The following PDE7A variants were observed in gnomAD, a reference collection of about 807,000 sequenced individuals.
PDE7A encodes the protein high affinity 3',5'-cyclic-AMP phosphodiesterase 7A.
Under a neutral mutation model 64.3 loss-of-function variants are expected in PDE7A, and 39 were observed. That is an observed-to-expected ratio of 0.61 (90% confidence interval 0.47 to 0.79). The LOEUF is 0.79. Among genes scored for constraint, PDE7A ranks in the 30% least tolerant of loss-of-function variants. The pLI, the probability that PDE7A is intolerant of heterozygous loss-of-function variation, is 0.00. For missense variants in PDE7A, 470 were observed against 582.8 expected (o/e 0.81, Z 1.99); for synonymous variants, 203 against 206.8 (o/e 0.98, Z 0.16).
chr8:65,819,806 C>T (rs1041487368), intron 1 of PDE7A, among the ~76,000 whole-genome samples: 3 of 152,224 alleles, frequency 2.0e-5, no homozygotes, highest in African/African-American at 7.2e-5. Flanking sequence ...CACATAGGCT[C>T]CATTTCCCAG....
intron 6 of PDE7A, among the ~76,000 whole-genome samples, chr8:65,737,143 AT>A (rs1473787755): frequency 3.9e-5 from 6 of 151,970 alleles, no homozygotes; most frequent in African/African-American, 1.2e-4. Flanking sequence ...CTGAGTTATT[AT>A]TTTCTCAATT....
chr8:65,796,856 A>C (rs1809856713), intron 1 of PDE7A, among the ~76,000 whole-genome samples: 1 of 152,128 alleles, frequency 6.6e-6, no homozygotes, highest in East Asian at 1.9e-4. Context: ...CAAAAAGAAA[A>C]AGCATAAGGC....
intron 3 of PDE7A, among the ~76,000 whole-genome samples, chr8:65,773,688 G>A (rs1809176947): frequency 6.6e-6 from 1 of 151,886 alleles, no homozygotes; most frequent in South Asian, 2.1e-4. Context: ...TCCTTCTCTT[G>A]TCTTTTAGAT....
At chr8:65,751,750 C>T (rs1384358710) in intron 3 of PDE7A, among the ~76,000 whole-genome samples, 2 of 152,184 alleles carry the variant, frequency 1.3e-5, no homozygotes, top group African/African-American at 2.4e-5. Context: ...CCGCGGCCTC[C>T]CAAAATGCTG....
intron 1 of PDE7A, among the ~76,000 whole-genome samples, chr8:65,807,815 T>A (rs1365579917): frequency 6.6e-6 from 1 of 152,228 alleles, no homozygotes; most frequent in Non-Finnish European, 1.5e-5. Flanking sequence ...ACTGACATGT[T>A]GTATTACATC....
chr8:65,728,792 A>G (rs1806714413), intron 7 of PDE7A, among the ~76,000 whole-genome samples: 1 of 152,224 alleles, frequency 6.6e-6, no homozygotes, highest in African/African-American at 2.4e-5. Context: ...GGAGAATACA[A>G]TAATCCAAAA....
intron 3 of PDE7A, among the ~76,000 whole-genome samples, chr8:65,749,392 T>C (rs1422015463): frequency 6.6e-6 from 1 of 152,236 alleles, no homozygotes; most frequent in South Asian, 2.1e-4. Flanking sequence ...CACACTGTTA[T>C]GTGATTTACT....
intron 3 of PDE7A, among the ~76,000 whole-genome samples, chr8:65,758,225 A>G (rs1229886038): frequency 2.0e-5 from 3 of 152,092 alleles, no homozygotes; most frequent in African/African-American, 7.2e-5. Flanking sequence ...CTCAGCCCCA[A>G]TTTTGCCAGA....
At chr8:65,831,345 G>A (rs1035662877) in intron 1 of PDE7A, among the ~76,000 whole-genome samples, 3 of 152,012 alleles carry the variant, frequency 2.0e-5, no homozygotes, top group African/African-American at 7.2e-5. Flanking sequence ...AAACAAACCT[G>A]CCTCTTCTTC....
intron 1 of PDE7A, among the ~76,000 whole-genome samples, chr8:65,808,978 A>T (rs772183830): frequency 9.2e-5 from 14 of 152,214 alleles, no homozygotes; most frequent in Non-Finnish European, 1.6e-4. Flanking sequence ...AAAAAATGTG[A>T]TCTGATTCAT....
intron 1 of PDE7A, among the ~76,000 whole-genome samples, chr8:65,834,777 C>T (rs879637975): frequency 1.3e-5 from 2 of 152,146 alleles, no homozygotes; most frequent in Non-Finnish European, 2.9e-5. Context: ...TCCAAAATTG[C>T]TACTCAAAGA....
At chr8:65,787,391 T>A (rs1809586659) in intron 1 of PDE7A, among the ~76,000 whole-genome samples, 1 of 152,114 alleles carries the variant, frequency 6.6e-6, no homozygotes, top group Non-Finnish European at 1.5e-5. Flanking sequence ...GAAAAAATAA[T>A]AATATAGCAA....
intron 3 of PDE7A, 23 bp downstream of exon 3, chr8:65,779,697 A>G (rs1809357269): frequency 8.1e-7 from 1 of 1,232,548 alleles, no homozygotes; most frequent in African/African-American, 1.5e-5. Flanking sequence ...AATCCGAGAA[A>G]CTTCATGTCT....
intron 3 of PDE7A, among the ~76,000 whole-genome samples, chr8:65,769,056 T>A (rs1808940799): frequency 6.6e-6 from 1 of 152,054 alleles, no homozygotes; most frequent in South Asian, 2.1e-4. Flanking sequence ...AAGACCAGCC[T>A]GGCCAACATG....
intron 12 of PDE7A, chr8:65,722,605 T>A (rs1045452014): frequency 1.3e-5 from 2 of 152,176 alleles, no homozygotes; most frequent in Non-Finnish European, 2.9e-5. Context: ...AGAATCCCCC[T>A]CCTTTATACC....
intron 1 of PDE7A, among the ~76,000 whole-genome samples, chr8:65,840,982 G>C (rs1811069399): frequency 6.6e-6 from 1 of 152,256 alleles, no homozygotes; most frequent in South Asian, 2.1e-4. Context: ...GTGTGTATGG[G>C]AAGGGGGACA....
intron 3 of PDE7A, among the ~76,000 whole-genome samples, chr8:65,760,949 G>A (rs1270804229): frequency 6.6e-6 from 1 of 152,098 alleles, no homozygotes; most frequent in Non-Finnish European, 1.5e-5. Flanking sequence ...ATGAGGAACT[G>A]GGAACAAGAG....
chr8:65,774,455 C>A (rs930380470), intron 3 of PDE7A, among the ~76,000 whole-genome samples: 1 of 151,930 alleles, frequency 6.6e-6, no homozygotes, highest in Non-Finnish European at 1.5e-5. Context: ...ATTCTCTGGC[C>A]CTCAGGCTTT....
chr8:65,784,028 T>C (rs1423917857), intron 1 of PDE7A, among the ~76,000 whole-genome samples: 1 of 151,974 alleles, frequency 6.6e-6, no homozygotes, highest in South Asian at 2.1e-4. Context: ...ATCAGTTGAA[T>C]TAACAAGCAA....
Sources: allele counts gnomAD v4.1 joint callset (sites outside exome capture counted in the v4.1 genomes callset), GRCh38; gene constraint gnomAD v4.1.1; transcripts MANE v1.5; gene names NCBI Gene and HGNC (gene_info 2026-07-23, HGNC 2026-07-21).